The following AMOTL2 variants were observed in gnomAD, a reference collection of about 807,000 sequenced individuals.
AMOTL2 encodes angiomotin like 2.
A neutral mutation model predicts 78.4 loss-of-function variants in AMOTL2; 33 were observed. The observed-to-expected ratio is 0.42, with a 90% CI of 0.32 to 0.56. AMOTL2 has a LOEUF of 0.56. AMOTL2 is among the 20% of genes least tolerant of loss of function. The pLI, the probability that AMOTL2 is intolerant of heterozygous loss-of-function variation, is 0.12. For synonymous variants in AMOTL2, 422 were observed against 428.8 expected, an observed-to-expected ratio of 0.98 and a Z score of 0.20; for missense variants, 983 against 1,030.1, an observed-to-expected ratio of 0.95 and a Z score of 0.63.
chr3:134,375,411 CAGTG>C (rs1349937402), upstream of AMOTL2: 27 of 655,216 alleles, frequency 4.1e-5, no homozygotes, highest in Non-Finnish European at 6.8e-5. Context: ...GAGTCACACA[CAGTG>C]AGAACCAGGT....
At position 134,371,197 on chromosome 3, in the gene AMOTL2, G is replaced by T; in HGVS notation, c.237C>A (p.His79Gln). The T allele has an allele frequency of 6.2e-7, 1 of 1,613,766 alleles. No homozygotes were observed. The highest frequency in any genetic ancestry group is 1.1e-5 in the South Asian group (1 of 91,076). Residue 79 changes from histidine to glutamine, a missense_variant, in exon 2 of 10, where the codon CAC becomes CAA. Coordinates refer to ENST00000249883, the MANE Select transcript of AMOTL2 (RefSeq NM_016201.4). ...CTGCCAGGTGGTTCTCACCGCCCTG[G>T]TGCTCCTGGCCCTGGGGCTCCTGCC... Reference protein sequence around the residue: ...ATRQEPQGQEHQGGENHLAEN... With the variant: ...ATRQEPQGQEQQGGENHLAEN...
intron 5 of AMOTL2, among the ~76,000 whole-genome samples, chr3:134,362,524 G>A (rs1174194589): frequency 6.6e-6 from 1 of 152,208 alleles, no homozygotes; most frequent in East Asian, 1.9e-4. Flanking sequence ...CGAGAGGTCC[G>A]TTGAGGGCTA....
At chr3:134,360,869 G>A (rs1192897086) in intron 6 of AMOTL2, among the ~76,000 whole-genome samples, 1 of 152,206 alleles carries the variant, frequency 6.6e-6, no homozygotes, top group East Asian at 1.9e-4. Flanking sequence ...CAATCTTGGG[G>A]AGGCATATAA....
In AMOTL2 at chr3:134,365,928, A is replaced by C; in HGVS notation, c.1187-19T>G. 6.2e-7 allele frequency: 1 copy of C among 1,612,402 alleles called. No individual in the cohort carries two copies. The highest frequency in any genetic ancestry group is 8.5e-7 in the Non-Finnish European group (1 of 1,178,656). On this transcript the variant is annotated intron_variant, in intron 4 of 9. Coordinates refer to ENST00000249883, the MANE Select transcript of AMOTL2 (RefSeq NM_016201.4). The stretch of plus-strand genomic sequence containing the variant: ...AATCTCTCTGTTTCAAGGGAAGGAA[A>C]GATGTTTTAGTGTCAGGTGAAGCTG...
chr3:134,361,031 G>A (rs2017333657), intron 6 of AMOTL2, among the ~76,000 whole-genome samples: 1 of 152,156 alleles, frequency 6.6e-6, no homozygotes, highest in South Asian at 2.1e-4. Flanking sequence ...AAAATTAGCT[G>A]GGCGTGGTGG....
rs577285464 is a variant in AMOTL2 at position 134,359,417 on chromosome 3, G to A, written c.1970C>T (p.Ala657Val). Residue 657 changes from alanine (A) to valine (V), a missense_variant, in exon 8 of 10, where the codon GCC (alanine) becomes GTC (valine). Physicochemically the swap from Ala to Val is moderately conservative, Grantham distance 64 (BLOSUM62 0). Coordinates refer to ENST00000249883, the MANE Select transcript of AMOTL2 (RefSeq NM_016201.4). ...QQRSRRDPGK[A>V]IQGSLRPAKS... ...GGCAGGCCGCAGGGAGCCCTGGATGGCCTTGCCAGGGTCTCTCCTGGAGCG... is the reference window on the plus strand; with the variant it reads ...GGCAGGCCGCAGGGAGCCCTGGATGACCTTGCCAGGGTCTCTCCTGGAGCG... The A allele has an allele frequency of 5.0e-6, 8 of 1,614,194 alleles. No homozygotes were observed. The South Asian group carries it at 5.5e-5, about 11-fold the overall frequency.
chr3:134,357,650 G>T lies in AMOTL2; in HGVS notation c.*55C>A. 1 of 1,566,510 alleles carries T rather than the reference G, an allele frequency of 6.4e-7. No individual in the cohort carries two copies. Among genetic ancestry groups the T allele is most frequent in the South Asian group, 1.1e-5 (1 of 90,088 alleles). On this transcript the variant is annotated 3_prime_UTR_variant, in exon 10 of 10. Coordinates refer to ENST00000249883, the MANE Select transcript of AMOTL2 (RefSeq NM_016201.4). ...CGGGGCTGCTGAAATGGCTGAGAGT[G>T]GCACAGGGCAGAGGAGGGGAGAGAA...
Position 134,370,769 on chromosome 3 carries a change from G to A in AMOTL2, c.665C>T (p.Thr222Ile). The A allele has an allele frequency of 6.6e-7, 1 of 1,522,436 alleles. No homozygotes were observed. The highest frequency in any genetic ancestry group is 8.8e-7 in the Non-Finnish European group (1 of 1,135,608). 94.3% of individuals were successfully genotyped at this position (1,522,436 alleles called of 1,614,324 possible). The change falls in exon 2 of 10, where the codon ACC becomes ATC. Residue 222 changes from threonine (T) to isoleucine (I), a missense_variant. Thr to Ile is a moderately conservative substitution (Grantham distance 89). Transcript: ENST00000249883. ...QYPHVVLAHE[T>I]TTAVTDPRYR... Reference sequence around the variant, plus strand: ...CCGTGGGTCAGTGACAGCAGTGGTGGTCTCATGAGCTAGTACAACATGAGG... The same window carrying A: ...CCGTGGGTCAGTGACAGCAGTGGTGATCTCATGAGCTAGTACAACATGAGG...
At position 134,370,734 on chromosome 3, in the gene AMOTL2, G is replaced by A. The variant is rs1009818435; in HGVS notation, c.700C>T (p.Arg234Cys). The A allele has an allele frequency of 7.9e-6, 12 of 1,511,394 alleles. No individual in the cohort carries two copies. In the East Asian group the frequency reaches 9.1e-5, roughly 11 times the overall value. 93.6% of individuals were successfully genotyped at this position (1,511,394 alleles called of 1,614,324 possible). Reference protein sequence around the residue: ...TAVTDPRYRARGSPHFQHAEV... With the variant: ...TAVTDPRYRACGSPHFQHAEV... ...GCATGCTGGAAGTGCGGGCTGCCGCGGGCACGGTACCGTGGGTCAGTGACA... is the reference window on the plus strand; with the variant it reads ...GCATGCTGGAAGTGCGGGCTGCCGCAGGCACGGTACCGTGGGTCAGTGACA... The change falls in exon 2 of 10, where the codon CGC becomes TGC. Residue 234 changes from arginine (R) to cysteine (C), a missense_variant. Transcript: ENST00000249883.
chr3:134,373,261 T>C (rs938431675), intron 1 of AMOTL2, among the ~76,000 whole-genome samples: 3 of 152,108 alleles, frequency 2.0e-5, no homozygotes, highest in South Asian at 4.2e-4. Context: ...TGGAGTTTTA[T>C]CTGCGGGCAT....
intron 4 of AMOTL2, 135 bp downstream of exon 4, chr3:134,366,148 A>G: frequency 8.0e-7 from 1 of 1,251,748 alleles, no homozygotes; most frequent in Non-Finnish European, 1.1e-6. Flanking sequence ...GCAGCTCCAA[A>G]GGGGTCTCAG....
rs774845192 is a variant in AMOTL2 at position 134,361,822 on chromosome 3, A to C, written c.1280-15T>G. The stretch of plus-strand genomic sequence containing the variant: ...CTGTTCGTAGCCTGTAGGGAGAAAG[A>C]GGCTTGATCAGTGACAGTGACCACG... On this transcript the variant is annotated splice_polypyrimidine_tract_variant and intron_variant, in intron 5 of 9. Transcript: ENST00000249883. The C allele has an allele frequency of 2.0e-6, 3 of 1,510,422 alleles. No individual in the cohort carries two copies. In the African/African-American group the frequency reaches 4.1e-5, roughly 21 times the overall value. The allele number at this position is 1,510,422 out of a possible 1,614,324, so 93.6% of individuals were successfully genotyped here.
Position 134,356,114 on chromosome 3 carries a change from T to C in AMOTL2, c.*1591A>G, listed in dbSNP as rs1291078226. The C allele has an allele frequency of 1.3e-5, 2 of 152,610 alleles. No homozygotes were observed. Among genetic ancestry groups the C allele is most frequent in the African/African-American group, 4.8e-5 (2 of 41,452 alleles). The allele number at this position is 152,610 out of a possible 1,614,324, so 9.5% of individuals were successfully genotyped here. ...TTAAGTTGTTTTTTTTCTTTCACAA[T>C]ATTTTTTGCCTTTTTTTCCTCTTTT... On this transcript the variant is annotated 3_prime_UTR_variant, in exon 10 of 10. Transcript: ENST00000249883.
At chr3:134,363,332 G>C (rs1011795262) in intron 5 of AMOTL2, among the ~76,000 whole-genome samples, 1 of 152,202 alleles carries the variant, frequency 6.6e-6, no homozygotes, top group Non-Finnish European at 1.5e-5. Flanking sequence ...ATATTGAAAC[G>C]GATGTGTTCA....
chr3:134,358,861 T>C, intron 8 of AMOTL2, 142 bp from the exon 9 acceptor site: 1 of 978,942 alleles, frequency 1.0e-6, no homozygotes, highest in Non-Finnish European at 1.5e-6. Context: ...CTAAAAATGC[T>C]CCTATTTTCA....
Position 134,365,830 on chromosome 3 carries a change from C to T in AMOTL2, c.1266G>A (p.Lys422=). Residue 422 remains lysine, a synonymous_variant, in exon 5 of 10, where the codon AAG becomes AAA. Coordinates refer to ENST00000249883, the MANE Select transcript of AMOTL2 (RefSeq NM_016201.4). ...AQAGSQDMVA[K]LLAQSYEQQQ... is the part of the protein sequence containing the mutation. ...GCCCCTACTCACTCTGAGCAAGCAG[C>T]TTGGCCACCATGTCCTGACTGCCGG... 6.2e-7 allele frequency: 1 copy of T among 1,614,118 alleles called. No homozygotes were observed. The highest frequency in any genetic ancestry group is 8.5e-7 in the Non-Finnish European group (1 of 1,180,016).
At chr3:134,364,079 G>T (rs1047497891) in intron 5 of AMOTL2, among the ~76,000 whole-genome samples, 1 of 152,152 alleles carries the variant, frequency 6.6e-6, no homozygotes, top group Non-Finnish European at 1.5e-5. Flanking sequence ...GCGAGGCGCC[G>T]ACGGGACCCG....
intron 8 of AMOTL2, 140 bp downstream of exon 8, chr3:134,359,143 G>T: frequency 2.2e-6 from 2 of 914,564 alleles, no homozygotes; most frequent in Non-Finnish European, 3.4e-6. Context: ...TAGAGGCAGA[G>T]AATAAGCCAG....
At chr3:134,375,268 A>G (rs1276093681), upstream of AMOTL2, 5 of 1,533,936 alleles carry the variant, frequency 3.3e-6, no homozygotes, top group Non-Finnish European at 4.4e-6. Flanking sequence ...GCAGAGTGCA[A>G]GGTGTGCCAC....
Sources: allele counts gnomAD v4.1 joint callset (sites outside exome capture counted in the v4.1 genomes callset), GRCh38; gene constraint gnomAD v4.1.1; transcripts MANE v1.5; gene names NCBI Gene and HGNC (gene_info 2026-07-23, HGNC 2026-07-21).